The following AKT3 variants were observed in gnomAD, a reference collection of about 807,000 sequenced individuals.
AKT3 encodes the protein RAC-gamma serine/threonine-protein kinase.
In AKT3, 15 loss-of-function variants were observed where a neutral mutation model predicts 65.3. The ratio of observed to expected loss-of-function variants is 0.23; its 90% CI spans 0.15 to 0.35. AKT3 has a LOEUF of 0.35. AKT3 is among the 10% of genes least tolerant of loss of function. The pLI is 1.00. For missense variants in AKT3, 243 were observed against 576.5 expected (o/e 0.42, Z 5.92); for synonymous variants, 206 against 183.8 (o/e 1.12, Z -0.98).
intron 12 of AKT3, among the ~76,000 whole-genome samples, chr1:243,542,782 T>C (rs1210258755): frequency 6.6e-6 from 1 of 152,200 alleles, no homozygotes; most frequent in Non-Finnish European, 1.5e-5. Context: ...TGTGATATGA[T>C]ACAAACCCAA....
chr1:243,760,625 A>C (rs1689435603), intron 2 of AKT3, among the ~76,000 whole-genome samples: 1 of 152,180 alleles, frequency 6.6e-6, no homozygotes, highest in East Asian at 1.9e-4. Flanking sequence ...CCATGTTCTC[A>C]CATGAGGCTG....
rs536303313 is a variant in AKT3 at position 243,847,421 on chromosome 1, T to C, written c.-113+2619A>G. Among the ~76,000 whole-genome samples, 7 of 152,172 alleles carry C rather than the reference T, an allele frequency of 4.6e-5. 1 individual carries two copies. The highest frequency in any genetic ancestry group is 4.6e-4 in the Admixed American group (7 of 15,288). ...CAAATTCTTGAACTAAAAGATATAA[T>C]AACAAAAGAAAACATAGCTATCTTT... On this transcript the variant is annotated intron_variant, in intron 1 of 13. Coordinates refer to ENST00000673466, the MANE Select transcript of AKT3 (RefSeq NM_005465.7).
At chr1:243,615,377 A>C (rs956316977) in intron 6 of AKT3, among the ~76,000 whole-genome samples, 1 of 152,202 alleles carries the variant, frequency 6.6e-6, no homozygotes, top group Non-Finnish European at 1.5e-5. Context: ...AAGTTCATAT[A>C]AATTCACTCA....
intron 4 of AKT3, among the ~76,000 whole-genome samples, chr1:243,649,090 TA>T (rs1228662831): frequency 6.6e-6 from 1 of 152,130 alleles, no homozygotes; most frequent in Non-Finnish European, 1.5e-5. Context: ...TGATATGTAT[TA>T]TTTTCATTAT....
chr1:243,557,723 T>A (rs190219992), intron 10 of AKT3, among the ~76,000 whole-genome samples: 2 of 152,200 alleles, frequency 1.3e-5, no homozygotes, highest in African/African-American at 4.8e-5. Flanking sequence ...ACAGCTTCTA[T>A]CTGAACTCAT....
intron 13 of AKT3, 139 bp from the exon 14 acceptor site, chr1:243,505,473 C>T: frequency 7.7e-6 from 5 of 650,856 alleles, no homozygotes; most frequent in Non-Finnish European, 1.3e-5. Context: ...CATCAATAAG[C>T]TGTAGAGTAA....
At chr1:243,646,817 A>T (rs1238242305) in intron 4 of AKT3, among the ~76,000 whole-genome samples, 2 of 152,104 alleles carry the variant, frequency 1.3e-5, no homozygotes, top group Non-Finnish European at 2.9e-5. Context: ...TTGTTTCCAG[A>T]TCATAGTAAA....
chr1:243,695,423 C>T (rs1474454108), intron 3 of AKT3, among the ~76,000 whole-genome samples, 168 bp downstream of exon 3: 1 of 151,860 alleles, frequency 6.6e-6, no homozygotes, highest in Non-Finnish European at 1.5e-5. Context: ...CAAATGTTAT[C>T]GATAACCTCT....
intron 5 of AKT3, among the ~76,000 whole-genome samples, chr1:243,642,511 G>C (rs2631038): frequency 1.3e-5 from 2 of 151,784 alleles, no homozygotes; most frequent in African/African-American, 2.4e-5. Context: ...GGGTTTCACC[G>C]TGTTAGCCAG....
intron 8 of AKT3, among the ~76,000 whole-genome samples, chr1:243,608,235 C>A (rs1268286955): frequency 3.3e-5 from 5 of 152,222 alleles, no homozygotes; most frequent in South Asian, 4.1e-4. Flanking sequence ...ATTGTGCTAT[C>A]CATCATTGAC....
intron 13 of AKT3, chr1:243,489,217 G>A: frequency 6.4e-7 from 1 of 1,555,340 alleles, no homozygotes; most frequent in Non-Finnish European, 8.7e-7. Flanking sequence ...ACCTCAACAG[G>A]CCGGCTTTCT....
intron 8 of AKT3, among the ~76,000 whole-genome samples, chr1:243,574,461 G>A (rs1040506783): frequency 1.3e-5 from 2 of 151,914 alleles, no homozygotes; most frequent in Non-Finnish European, 2.9e-5. Context: ...CATATGCTAC[G>A]AATTGGGACT....
At chr1:243,637,558 C>A in intron 6 of AKT3, 53 bp downstream of exon 6, 1 of 1,490,244 alleles carries the variant, frequency 6.7e-7, no homozygotes, top group Non-Finnish European at 9.1e-7. Flanking sequence ...AGCCCACAAA[C>A]ACATGCACAC....
At chr1:243,825,555 T>G (rs1244398977) in intron 2 of AKT3, among the ~76,000 whole-genome samples, 2 of 152,184 alleles carry the variant, frequency 1.3e-5, no homozygotes, top group Non-Finnish European at 2.9e-5. Flanking sequence ...CTTCAAACTA[T>G]GTAATTTGGA....
At chr1:243,565,453 G>T (rs370165626) in intron 9 of AKT3, among the ~76,000 whole-genome samples, 13 of 152,082 alleles carry the variant, frequency 8.5e-5, no homozygotes, top group East Asian at 3.9e-4. Flanking sequence ...TTGACCTGCT[G>T]GGTTCAAGCA....
At position 243,819,609 on chromosome 1, in the gene AKT3, C is replaced by G. The variant is rs533843543; in HGVS notation, c.46+23516G>C. ...AGGTAGTCCAGAGGAGTGTGACAATCCCCAGCACAGTGCATCCCCTCCGCC... is the reference window on the plus strand; with the variant it reads ...AGGTAGTCCAGAGGAGTGTGACAATGCCCAGCACAGTGCATCCCCTCCGCC... On this transcript the variant is annotated intron_variant, in intron 2 of 13. Transcript: ENST00000673466. 3.3e-5 allele frequency among the ~76,000 whole-genome samples: 5 copies of G among 152,318 alleles called. No homozygotes were observed. The South Asian group carries it at 1.0e-3, about 32-fold the overall frequency.
intron 8 of AKT3, among the ~76,000 whole-genome samples, chr1:243,577,976 A>T (rs1452555618): frequency 6.6e-6 from 1 of 152,230 alleles, no homozygotes; most frequent in Non-Finnish European, 1.5e-5. Context: ...AATCAAAACC[A>T]CAATGAAATA....
intron 13 of AKT3, among the ~76,000 whole-genome samples, chr1:243,511,610 C>T (rs373086032): frequency 1.4e-4 from 21 of 152,276 alleles, no homozygotes; most frequent in Admixed American, 7.2e-4. Flanking sequence ...TGCCCTGAAA[C>T]GCAATCTTAT....
intron 8 of AKT3, among the ~76,000 whole-genome samples, chr1:243,589,320 A>AG (rs1203991160): frequency 6.0e-5 from 9 of 149,564 alleles, no homozygotes; most frequent in African/African-American, 2.2e-4. Context: ...AAAAAAAAAA[A>AG]AAAAGAAAAA....
Sources: gnomAD v4.1 joint callset for allele counts (sites outside exome capture counted in the v4.1 genomes callset) on GRCh38, gnomAD v4.1.1 for gene constraint, MANE v1.5 for transcripts, NCBI Gene and HGNC (gene_info 2026-07-23, HGNC 2026-07-21) for gene names.